The following DOCK2 variants were observed in gnomAD, a reference collection of about 807,000 sequenced individuals.
DOCK2 encodes dedicator of cytokinesis 2.
Under a neutral mutation model 248.9 loss-of-function variants are expected in DOCK2, and 87 were observed. The ratio of observed to expected loss-of-function variants is 0.35; its 90% CI spans 0.29 to 0.42. The LOEUF is 0.42. DOCK2 is among the 10% of genes least tolerant of loss of function. The pLI, the probability that DOCK2 is intolerant of heterozygous loss-of-function variation, is 1.00. For missense variants in DOCK2, 1,747 were observed against 2,300.2 expected (o/e 0.76, Z 4.92); for synonymous variants, 805 against 821.6 (o/e 0.98, Z 0.35).
intron 2 of DOCK2, among the ~76,000 whole-genome samples, chr5:169,664,757 C>T (rs571691695): frequency 2.5e-4 from 38 of 152,218 alleles, no homozygotes; most frequent in African/African-American, 7.9e-4. Context: ...CAATCACCTC[C>T]GACCAGGTCC....
chr5:169,961,853 C>T lies in DOCK2; in HGVS notation c.2800-21215C>T, dbSNP rs148259738. On this transcript the variant is annotated intron_variant, in intron 27 of 51. Transcript: ENST00000520908. ...AATTAGCTGAGTGTGGTGGCAGGCA[C>T]CTGTAATCCCAGCTACTCAGGAGGC... Among the ~76,000 whole-genome samples, 732 of 151,734 alleles carry T rather than the reference C, an allele frequency of 4.8e-3. 7 individuals carry two copies. Among genetic ancestry groups the T allele is most frequent in the African/African-American group, 0.017 (698 of 41,296 alleles).
rs543174109 is a variant in DOCK2, at chr5:169,721,322, C to T, written c.2267+2531C>T. Reference sequence around the variant, plus strand: ...ACCCAAGCCTAATCTTGAATCCTTCCTCATGAACAGAAATGTAGGCTGACC... The same window carrying T: ...ACCCAAGCCTAATCTTGAATCCTTCTTCATGAACAGAAATGTAGGCTGACC... On this transcript the variant is annotated intron_variant, in intron 22 of 51. Coordinates refer to ENST00000520908, the MANE Select transcript of DOCK2 (RefSeq NM_004946.3). Among the ~76,000 whole-genome samples the T allele has an allele frequency of 4.3e-4, 66 of 152,320 alleles. 2 individuals carry two copies. In the South Asian group the frequency reaches 0.01, roughly 23 times the overall value.
At chr5:170,000,004 T>C (rs1264081261) in intron 30 of DOCK2, 1 of 152,238 alleles carries the variant, frequency 6.6e-6, no homozygotes, top group Non-Finnish European at 1.5e-5. Flanking sequence ...TGTTTTCTGG[T>C]TGCGGCTAAG....
chr5:169,886,919 T>C lies in DOCK2; in HGVS notation c.2799+46067T>C, dbSNP rs147539492. Among the ~76,000 whole-genome samples the C allele has an allele frequency of 1.7e-4, 26 of 152,318 alleles. No individual in the cohort carries two copies. The East Asian group carries it at 5.0e-3, about 29-fold the overall frequency. On this transcript the variant is annotated intron_variant, in intron 27 of 51. Coordinates refer to ENST00000520908, the MANE Select transcript of DOCK2 (RefSeq NM_004946.3). ...ATTGATTATGTGCCAGGCATTGTGA[T>C]TGGTATGTTTCATTTACTCTCTTCC...
intron 22 of DOCK2, among the ~76,000 whole-genome samples, chr5:169,727,541 C>T (rs1199464204): frequency 6.6e-6 from 1 of 152,172 alleles, no homozygotes; most frequent in Non-Finnish European, 1.5e-5. Flanking sequence ...ATGTCAGACC[C>T]AGCAGCTTGA....
At chr5:170,062,122 TGTGTGTGA>T (rs141199025) in intron 44 of DOCK2, among the ~76,000 whole-genome samples, 2,431 of 136,072 alleles carry the variant, frequency 0.018, 76 homozygotes, top group African/African-American at 0.064. Context: ...TGTGTGTGTG[TGTGTGTGA>T]GAGAGAGAGA....
chr5:169,689,053 C>A (rs1009530510), intron 8 of DOCK2, among the ~76,000 whole-genome samples, 199 bp from the exon 9 acceptor site: 11 of 151,948 alleles, frequency 7.2e-5, no homozygotes, highest in African/African-American at 2.7e-4. Flanking sequence ...GTTAATAGTT[C>A]TTTGCTCTTG....
intron 22 of DOCK2, among the ~76,000 whole-genome samples, chr5:169,721,955 G>A (rs1762234164): frequency 1.3e-5 from 2 of 152,336 alleles, no homozygotes; most frequent in Admixed American, 1.3e-4. Flanking sequence ...TGCCAGTGCT[G>A]TAGCTGCAAA....
chr5:169,856,584 C>G (rs1770908615), intron 27 of DOCK2, among the ~76,000 whole-genome samples: 1 of 152,182 alleles, frequency 6.6e-6, no homozygotes, highest in South Asian at 2.1e-4. Context: ...TGACTCTCAG[C>G]TACTGAAGGT....
intron 25 of DOCK2, among the ~76,000 whole-genome samples, chr5:169,801,143 TGG>T (rs1449132832): frequency 1.1e-5 from 1 of 92,580 alleles, no homozygotes; most frequent in African/African-American, 3.9e-5. Context: ...CAGATAGTTT[TGG>T]GTTTTTTTTT....
At chr5:170,039,772 A>G (rs1000603272) in intron 36 of DOCK2, among the ~76,000 whole-genome samples, 7 of 152,222 alleles carry the variant, frequency 4.6e-5, no homozygotes, top group African/African-American at 1.7e-4. Context: ...GAGTGGAGAT[A>G]CCCGAGAAAC....
chr5:170,071,169 T>A (rs1757668458), intron 46 of DOCK2, among the ~76,000 whole-genome samples: 1 of 152,296 alleles, frequency 6.6e-6, no homozygotes, highest in East Asian at 1.9e-4. Context: ...AAGGCAGCCT[T>A]TTAACATTAT....
intron 26 of DOCK2, among the ~76,000 whole-genome samples, chr5:169,807,943 T>C (rs1213395071): frequency 4.6e-5 from 7 of 152,028 alleles, no homozygotes; most frequent in Non-Finnish European, 7.4e-5. Context: ...GAATTCATCT[T>C]CATGGGATAG....
At chr5:169,768,437 C>T (rs264832) in intron 25 of DOCK2, among the ~76,000 whole-genome samples, 1 of 152,186 alleles carries the variant, frequency 6.6e-6, no homozygotes, top group East Asian at 1.9e-4. Flanking sequence ...CTTGGTAATT[C>T]TTCCTTCTCC....
intron 27 of DOCK2, among the ~76,000 whole-genome samples, chr5:169,856,886 G>A (rs1476907689): frequency 4.6e-5 from 7 of 152,214 alleles, no homozygotes; most frequent in Admixed American, 2.6e-4. Context: ...AGGTCACCAT[G>A]TTTAACTAAT....
intron 36 of DOCK2, among the ~76,000 whole-genome samples, chr5:170,037,488 T>G (rs893664285): frequency 1.3e-5 from 2 of 150,930 alleles, no homozygotes; most frequent in Non-Finnish European, 1.5e-5. Flanking sequence ...AAATTTTTTT[T>G]TTTTTTTTTT....
chr5:170,019,220 G>A (rs1755639961), intron 33 of DOCK2, 112 bp downstream of exon 33: 6 of 1,518,136 alleles, frequency 4.0e-6, no homozygotes, highest in South Asian at 1.2e-5. Context: ...TCGGCGGCAG[G>A]ATAGGGACAT....
intron 26 of DOCK2, among the ~76,000 whole-genome samples, chr5:169,814,627 A>G (rs559214684): frequency 3.0e-4 from 46 of 152,344 alleles, no homozygotes; most frequent in South Asian, 6.2e-4. Flanking sequence ...AAGGGTGCAT[A>G]GGAACTCTCT....
At chr5:169,681,958 A>G (rs1465588267) in intron 7 of DOCK2, 79 bp downstream of exon 7, 2 of 1,565,306 alleles carry the variant, frequency 1.3e-6, no homozygotes, top group South Asian at 1.2e-5. Context: ...GGGCTAATGA[A>G]CCAGACTGTG....
Sources: allele counts gnomAD v4.1 joint callset (sites outside exome capture counted in the v4.1 genomes callset), GRCh38; gene constraint gnomAD v4.1.1; transcripts MANE v1.5; gene names NCBI Gene and HGNC (gene_info 2026-07-23, HGNC 2026-07-21).